The following SLC9A7 variants were observed in gnomAD, a reference collection of about 807,000 sequenced individuals.
SLC9A7 encodes the protein sodium/hydrogen exchanger 7.
In SLC9A7, 19 loss-of-function variants were observed where a neutral mutation model predicts 52.6. The observed-to-expected ratio is 0.36, with a 90% CI of 0.25 to 0.53. SLC9A7 has a LOEUF of 0.53. Among genes scored for constraint, SLC9A7 ranks in the 20% least tolerant of loss-of-function variants. The pLI is 0.91. For missense variants in SLC9A7, 455 were observed against 597.9 expected (o/e 0.76, Z 2.49); for synonymous variants, 226 against 252.1 (o/e 0.90, Z 0.98).
intron 1 of SLC9A7, chrX:46,725,354 T>G (rs879080650): frequency 3.4e-6 from 4 of 1,184,747 alleles, no homozygotes; most frequent in East Asian, 3.0e-5. Flanking sequence ...CCAGTTCTGG[T>G]GTGCCATAAC....
At chrX:46,661,663 G>A (rs1978645099) in intron 7 of SLC9A7, among the ~76,000 whole-genome samples, 1 of 111,562 alleles carries the variant, frequency 9.0e-6, no homozygotes, top group African/African-American at 3.3e-5. Context: ...AGCTAGCTGG[G>A]GCTAAAGTAC....
At position 46,604,039 on chromosome X, in the gene SLC9A7, CAAAAAT is replaced by C. The variant is rs1569495935; in HGVS notation, c.*2907_*2912del. ...TCTCTCCATCTCTGCAAAACAAAAA[CAAAAAT>C]GAAAACAAAACAAGTCTTGCCTTTT... is the stretch of plus-strand genomic sequence containing the variant. On this transcript the variant is annotated 3_prime_UTR_variant, in exon 17 of 17. Transcript: ENST00000616978. 8.9e-6 allele frequency: 1 copy of C among 112,404 alleles called. No homozygotes were observed. Among genetic ancestry groups the C allele is most frequent in the Non-Finnish European group, 1.9e-5 (1 of 53,280 alleles). The allele number at this position is 112,404 out of a possible 1,213,427, so 9.3% of individuals were successfully genotyped here.
intron 12 of SLC9A7, among the ~76,000 whole-genome samples, chrX:46,639,526 C>A (rs367608807): frequency 9.1e-6 from 1 of 109,955 alleles, no homozygotes; most frequent in East Asian, 2.8e-4. Flanking sequence ...TGTGATCCGC[C>A]CACCTCAGCC....
intron 11 of SLC9A7, among the ~76,000 whole-genome samples, chrX:46,644,574 T>G (rs757754669): frequency 2.8e-5 from 3 of 108,015 alleles, no homozygotes; most frequent in East Asian, 2.9e-4. Context: ...GAGGCGGAGG[T>G]TGCAGTGAGC....
intron 1 of SLC9A7, among the ~76,000 whole-genome samples, chrX:46,755,841 A>T (rs1190942067): frequency 1.0e-5 from 1 of 96,246 alleles, no homozygotes; most frequent in Non-Finnish European, 2.1e-5. Flanking sequence ...AAAAAAAAAA[A>T]GCTATTACAA....
chrX:46,656,754 C>A (rs1475446920), intron 7 of SLC9A7, among the ~76,000 whole-genome samples: 26 of 111,260 alleles, frequency 2.3e-4, no homozygotes, highest in Non-Finnish European at 4.9e-4. Flanking sequence ...GATTGGTGTA[C>A]CTGAAAGTGA....
intron 7 of SLC9A7, among the ~76,000 whole-genome samples, chrX:46,655,922 C>T (rs1943676125): frequency 8.9e-6 from 1 of 112,527 alleles, no homozygotes; most frequent in Non-Finnish European, 1.9e-5. Flanking sequence ...GCGGGCAGGG[C>T]ACAGACAAAC....
At chrX:46,651,564 A>G (rs1298760897) in intron 8 of SLC9A7, among the ~76,000 whole-genome samples, 160 bp from the exon 9 acceptor site, 2 of 111,708 alleles carry the variant, frequency 1.8e-5, no homozygotes, top group Non-Finnish European at 3.8e-5. Flanking sequence ...GCAGTGGCTC[A>G]CACCTGTAAT....
intron 1 of SLC9A7, among the ~76,000 whole-genome samples, chrX:46,750,508 C>A (rs1922157667): frequency 9.0e-6 from 1 of 111,112 alleles, no homozygotes; most frequent in African/African-American, 3.3e-5. Context: ...TGCCACCATG[C>A]CCAGCTAATT....
chrX:46,624,339 G>A (rs752718241), intron 14 of SLC9A7, among the ~76,000 whole-genome samples: 1 of 112,135 alleles, frequency 8.9e-6, no homozygotes, highest in South Asian at 3.7e-4. Context: ...TAACCTGTGG[G>A]ATCTGACGCT....
At position 46,682,517 on chromosome X, in the gene SLC9A7, A is replaced by G; in HGVS notation, c.344T>C (p.Ile115Thr). The G allele has an allele frequency of 8.3e-7, 1 of 1,210,605 alleles. No homozygotes were observed. The highest frequency in any genetic ancestry group is 1.8e-5 in the South Asian group (1 of 56,760). ...AMIYGLIVGV[I>T]LRYGTPATSG... is the part of the protein sequence containing the mutation. ...GGTAGCAGGGGTACCATACCTCAGG[A>G]TCACCCCAACGATGAGCCCTGAAAG... Residue 115 changes from isoleucine (I) to threonine (T), a missense_variant, in exon 2 of 17, where the codon ATC becomes ACC. Transcript: ENST00000616978.
rs1189789616 is a variant in SLC9A7, at chrX:46,661,078, T to C, written c.1041+938A>G. Among the ~76,000 whole-genome samples the C allele has an allele frequency of 2.7e-5, 3 of 111,366 alleles. No homozygotes were observed. In the Admixed American group the frequency reaches 2.9e-4, roughly 11 times the overall value. On this transcript the variant is annotated intron_variant, in intron 7 of 16. Coordinates refer to ENST00000616978, the MANE Select transcript of SLC9A7 (RefSeq NM_001257291.2). ...TGAGTTCATGTCCTTTGTAGGGACATGGATGAAACTGGAAATCATCATTCT... is the reference window on the plus strand; with the variant it reads ...TGAGTTCATGTCCTTTGTAGGGACACGGATGAAACTGGAAATCATCATTCT...
chrX:46,689,193 T>C (rs1343869355), intron 1 of SLC9A7, among the ~76,000 whole-genome samples: 1 of 111,884 alleles, frequency 8.9e-6, no homozygotes, highest in Non-Finnish European at 1.9e-5. Context: ...GCTTTTTGTT[T>C]TGTTTTGTTT....
chrX:46,728,289 T>C (rs1433661328), intron 1 of SLC9A7, among the ~76,000 whole-genome samples: 1 of 110,817 alleles, frequency 9.0e-6, no homozygotes, highest in Non-Finnish European at 1.9e-5. Context: ...ATCCAGAAAA[T>C]ATAAAATACA....
chrX:46,627,306 C>A (rs1943146052), intron 14 of SLC9A7, among the ~76,000 whole-genome samples: 1 of 110,671 alleles, frequency 9.0e-6, no homozygotes, highest in Non-Finnish European at 1.9e-5. Context: ...AGAGGGAAAC[C>A]CTGTCTCAAA....
chrX:46,720,136 T>C (rs181059527), intron 1 of SLC9A7, among the ~76,000 whole-genome samples: 1 of 111,810 alleles, frequency 8.9e-6, no homozygotes, highest in Admixed American at 9.5e-5. Context: ...GTTGTAATGA[T>C]ACTTGTTATG....
At chrX:46,607,246 A>G (rs184463162) in intron 16 of SLC9A7, 43 bp from the exon 17 acceptor site, 15 of 1,184,625 alleles carry the variant, frequency 1.3e-5, no homozygotes, top group African/African-American at 1.8e-5. Context: ...TGAGAGACTG[A>G]TATCTTCCAG....
At chrX:46,621,319 T>C (rs760998253) in intron 14 of SLC9A7, among the ~76,000 whole-genome samples, 4 of 112,255 alleles carry the variant, frequency 3.6e-5, no homozygotes, top group Non-Finnish European at 5.6e-5. Flanking sequence ...ACATTTCTTT[T>C]GGCATTCTTA....
intron 15 of SLC9A7, among the ~76,000 whole-genome samples, chrX:46,616,760 C>T (rs1208968271): frequency 9.0e-6 from 1 of 111,367 alleles, no homozygotes. Flanking sequence ...TTTTTTTCAT[C>T]CTAGAACTTT....
Sources: allele counts gnomAD v4.1 joint callset (sites outside exome capture counted in the v4.1 genomes callset), GRCh38; gene constraint gnomAD v4.1.1; transcripts MANE v1.5; gene names NCBI Gene and HGNC (gene_info 2026-07-23, HGNC 2026-07-21).